Variants in AFF3 observed in about 807,000 individuals in gnomAD.
AFF3 encodes the protein AF4/FMR2 family member 3.
In AFF3, 32 loss-of-function variants were observed where a neutral mutation model predicts 129.7. The observed-to-expected ratio is 0.25, with a 90% CI of 0.19 to 0.33. The LOEUF (loss-of-function observed/expected upper bound fraction) is 0.33, where lower values mean the gene tolerates loss of function less well. Ranked by LOEUF, AFF3 falls within the 10% of genes least tolerant of loss-of-function variation. The probability of loss-of-function intolerance (pLI) is 1.00; values close to 1 mark genes in which losing one functional copy is unlikely to be tolerated. For missense variants in AFF3, 1,373 were observed against 1,592.0 expected (o/e 0.86, Z 2.34); for synonymous variants, 644 against 635.4 (o/e 1.01, Z -0.20).
rs374518111 is a variant in AFF3 at position 99,622,868 on chromosome 2, T to C, written c.1185-21247A>G. ...GGGCACAGGCAGGACGACTCAGACA[T>C]GTACTGGAGACAGTCCTTGCCGACA... On this transcript the variant is annotated intron_variant, in intron 13 of 24. Transcript: ENST00000672756. Among the ~76,000 whole-genome samples the C allele has an allele frequency of 1.4e-3, 208 of 152,270 alleles. 1 individual carries two copies. The highest frequency in any genetic ancestry group is 4.7e-3 in the African/African-American group (194 of 41,564).
chr2:99,856,255 T>C (rs549748478), intron 7 of AFF3, among the ~76,000 whole-genome samples: 13 of 152,194 alleles, frequency 8.5e-5, no homozygotes, highest in Non-Finnish European at 1.5e-4. Flanking sequence ...ACAATACTAA[T>C]ATAAGATGTT....
At chr2:100,107,392 A>T (rs1691349054) in intron 2 of AFF3, 1 of 985,344 alleles carries the variant, frequency 1.0e-6, no homozygotes, top group Non-Finnish European at 1.2e-6. Context: ...TAACTCCTTA[A>T]TACAAAGCAA....
chr2:99,758,957 T>C (rs888435706), intron 8 of AFF3, among the ~76,000 whole-genome samples: 1 of 152,308 alleles, frequency 6.6e-6, no homozygotes, highest in African/African-American at 2.4e-5. Context: ...TGCCTTTTTA[T>C]TGCTCTACAA....
intron 4 of AFF3, among the ~76,000 whole-genome samples, chr2:100,084,054 T>C (rs1689237901): frequency 6.6e-6 from 1 of 152,210 alleles, no homozygotes; most frequent in Non-Finnish European, 1.5e-5. Flanking sequence ...TTTGACCAAA[T>C]ATTCTCTCTC....
intron 13 of AFF3, among the ~76,000 whole-genome samples, chr2:99,617,581 A>C (rs1681566045): frequency 6.6e-6 from 1 of 152,200 alleles, no homozygotes; most frequent in African/African-American, 2.4e-5. Context: ...ATCAGTATAT[A>C]TCTCTGTCTG....
intron 7 of AFF3, among the ~76,000 whole-genome samples, chr2:99,878,998 C>A (rs1019477354): frequency 4.6e-5 from 7 of 152,038 alleles, no homozygotes; most frequent in Admixed American, 2.6e-4. Flanking sequence ...GAGAAGATGT[C>A]AGAATTTTTT....
At chr2:100,141,701 G>GA (rs1302236738) in intron 1 of AFF3, among the ~76,000 whole-genome samples, 2 of 152,120 alleles carry the variant, frequency 1.3e-5, no homozygotes, top group Non-Finnish European at 2.9e-5. Flanking sequence ...CACATATTAG[G>GA]AAAAAAACCC....
In AFF3 at chr2:99,582,377, G is replaced by A. The variant is rs926242033; in HGVS notation, c.2793+421C>T. Among the ~76,000 whole-genome samples the A allele has an allele frequency of 2.6e-5, 4 of 152,076 alleles. No homozygotes were observed. The East Asian group carries it at 5.8e-4, about 22-fold the overall frequency. On this transcript the variant is annotated intron_variant, in intron 17 of 24. Transcript: ENST00000672756. ...GGTGGGGGTCCCCCACTGCAGCTGC[G>A]ACACTGGCCAATAAGGGCAGAGTGG...
At chr2:99,986,356 C>T (rs1401654707) in intron 7 of AFF3, among the ~76,000 whole-genome samples, 1 of 151,910 alleles carries the variant, frequency 6.6e-6, no homozygotes, top group East Asian at 1.9e-4. Context: ...CCTGCGTTTA[C>T]ACACCTTTAT....
intron 8 of AFF3, among the ~76,000 whole-genome samples, chr2:99,789,473 A>G (rs1459908653): frequency 7.6e-6 from 1 of 131,694 alleles, no homozygotes; most frequent in Admixed American, 7.6e-5. Context: ...AAAAAAAAGT[A>G]GTTGAGGATT....
Position 100,007,363 on chromosome 2 carries a change from T to C in AFF3, c.272A>G (p.His91Arg), listed in dbSNP as rs748339632. 15 of 1,613,910 alleles carry C rather than the reference T, an allele frequency of 9.3e-6. No individual in the cohort carries two copies. The highest frequency in any genetic ancestry group is 1.3e-5 in the African/African-American group (1 of 74,940). The change falls in exon 6 of 25, where the codon CAT becomes CGT. Residue 91 changes from histidine to arginine, a missense_variant. His to Arg is a conservative substitution (Grantham distance 29). Transcript: ENST00000672756. ...CCCAGGTTTGGGAACTCCAACGAGA[T>C]GACTCTGATTGGATCTATCAGTTAA... ...DFLTDRSNQS[H>R]LVGVPKPGVP...
At chr2:99,931,400 A>G (rs756751986) in intron 7 of AFF3, among the ~76,000 whole-genome samples, 7 of 152,220 alleles carry the variant, frequency 4.6e-5, no homozygotes, top group Non-Finnish European at 1.0e-4. Flanking sequence ...CAATATATGG[A>G]TCTTTTATAA....
chr2:99,706,156 G>A (rs1398056806), intron 11 of AFF3, among the ~76,000 whole-genome samples: 4 of 152,066 alleles, frequency 2.6e-5, no homozygotes, highest in African/African-American at 4.8e-5. Flanking sequence ...ATGTATATTA[G>A]AATCATAAGG....
Position 99,593,960 on chromosome 2 carries a change from C to G in AFF3, c.1701G>C (p.Val567=). The G allele has an allele frequency of 6.7e-7, 1 of 1,485,636 alleles. No homozygotes were observed. Among genetic ancestry groups the G allele is most frequent in the Non-Finnish European group, 8.9e-7 (1 of 1,119,282 alleles). The allele number at this position is 1,485,636 out of a possible 1,614,324, so 92.0% of individuals were successfully genotyped here. Residue 567 remains valine (V), a synonymous_variant, in exon 15 of 25, where the codon GTG becomes GTC. Transcript: ENST00000672756. ...AVSAAAPPPA[V]PCAPAENAPA... is the part of the protein sequence containing the mutation. ...GCGCGTTCTCCGCGGGCGCACAGGG[C>G]ACTGCGGGTGGCGGGGCGGCTGCGC...
Position 99,565,561 on chromosome 2 carries a change from T to A in AFF3, c.3045A>T (p.Gly1015=), listed in dbSNP as rs1675880498. Residue 1015 remains glycine (G), a synonymous_variant, in exon 20 of 25, where the codon GGA becomes GGT. Coordinates refer to ENST00000672756, the MANE Select transcript of AFF3 (RefSeq NM_001386135.1). ...CCATGGGGCCTTGTTCCATTGCATT[T>A]CCACACTCGATAAACGACAATGCTG... is the stretch of plus-strand genomic sequence containing the variant. ...AEAALSFIEC[G]NAMEQGPMES... 6.2e-7 allele frequency: 1 copy of A among 1,614,096 alleles called. No individual in the cohort carries two copies. The highest frequency in any genetic ancestry group is 1.3e-5 in the African/African-American group (1 of 74,918).
In AFF3 at chr2:99,549,610, A is replaced by C. The variant is rs1674270098; in HGVS notation, c.*1864T>G. On this transcript the variant is annotated 3_prime_UTR_variant, in exon 25 of 25. Coordinates refer to ENST00000672756, the MANE Select transcript of AFF3 (RefSeq NM_001386135.1). ...AAAAAAAAGTGAAAGGGTTGTAAGA[A>C]GCACCCCAGTTGGAGACATGTAAAA... is the stretch of plus-strand genomic sequence containing the variant. 4.9e-6 allele frequency: 1 copy of C among 202,366 alleles called. No individual in the cohort carries two copies. The allele number at this position is 202,366 out of a possible 1,614,324, so 12.5% of individuals were successfully genotyped here.
intron 4 of AFF3, among the ~76,000 whole-genome samples, chr2:100,012,319 T>C (rs1452012198): frequency 1.3e-5 from 2 of 152,226 alleles, no homozygotes; most frequent in South Asian, 2.1e-4. Flanking sequence ...TGGGTAGCTC[T>C]GTAGCCTCCA....
At chr2:99,597,925 A>T (rs1408742563) in intron 14 of AFF3, among the ~76,000 whole-genome samples, 1 of 152,138 alleles carries the variant, frequency 6.6e-6, no homozygotes, top group Non-Finnish European at 1.5e-5. Flanking sequence ...TAAATCCTTC[A>T]AGTACCCGCT....
chr2:100,041,262 A>T (rs1685404838), intron 4 of AFF3, among the ~76,000 whole-genome samples: 1 of 152,232 alleles, frequency 6.6e-6, no homozygotes, highest in Admixed American at 6.5e-5. Context: ...ACCTTGGAAA[A>T]TTCCTCACTC....
Sources: allele counts gnomAD v4.1 joint callset (sites outside exome capture counted in the v4.1 genomes callset), GRCh38; gene constraint gnomAD v4.1.1; transcripts MANE v1.5; gene names NCBI Gene and HGNC (gene_info 2026-07-23, HGNC 2026-07-21).